The following ADAMTS17 variants were observed in gnomAD, a reference collection of about 807,000 sequenced individuals.
The protein encoded by ADAMTS17 is ADAM metallopeptidase with thrombospondin type 1 motif 17.
Under a neutral mutation model 141.5 loss-of-function variants are expected in ADAMTS17, and 113 were observed. The observed-to-expected ratio is 0.80, with a 90% CI of 0.69 to 0.93. ADAMTS17 has a LOEUF of 0.93. Ranked by LOEUF, ADAMTS17 falls within the 40% of genes least tolerant of loss-of-function variation. ADAMTS17 has a pLI of 0.00. For synonymous variants in ADAMTS17, 768 were observed against 630.6 expected (o/e 1.22, Z -3.27); for missense variants, 1,659 against 1,517.9 (o/e 1.09, Z -1.54).
At chr15:100,262,617 T>C (rs1439298484) in intron 4 of ADAMTS17, among the ~76,000 whole-genome samples, 182 bp from the exon 5 acceptor site, 1 of 152,110 alleles carries the variant, frequency 6.6e-6, no homozygotes, top group Non-Finnish European at 1.5e-5. Context: ...ACAAGAAACA[T>C]GCCATTCTAA....
intron 20 of ADAMTS17, among the ~76,000 whole-genome samples, chr15:99,981,760 GT>G (rs1457642056): frequency 6.6e-6 from 1 of 152,224 alleles, no homozygotes; most frequent in Non-Finnish European, 1.5e-5. Flanking sequence ...CTTTTAGTGT[GT>G]TCTATAGTAA....
At chr15:100,252,558 C>T (rs1029251776) in intron 7 of ADAMTS17, among the ~76,000 whole-genome samples, 10 of 152,182 alleles carry the variant, frequency 6.6e-5, no homozygotes, top group Non-Finnish European at 1.2e-4. Context: ...CCGTGAACCC[C>T]AGGAAAGAGC....
chr15:100,010,836 A>G (rs1327003074), intron 18 of ADAMTS17, among the ~76,000 whole-genome samples: 1 of 152,218 alleles, frequency 6.6e-6, no homozygotes, highest in Non-Finnish European at 1.5e-5. Flanking sequence ...CTTTACAGGC[A>G]CACGTGAGGC....
intron 3 of ADAMTS17, among the ~76,000 whole-genome samples, chr15:100,302,784 A>C (rs11247181): frequency 6.6e-6 from 1 of 152,002 alleles, no homozygotes; most frequent in East Asian, 1.9e-4. Context: ...CTGTGAGAGT[A>C]TTGCCACAGG....
chr15:100,047,076 G>A (rs2031752279), intron 18 of ADAMTS17, among the ~76,000 whole-genome samples: 1 of 151,890 alleles, frequency 6.6e-6, no homozygotes, highest in Non-Finnish European at 1.5e-5. Context: ...CCTCTAAAAT[G>A]GCCCCCCTGG....
At chr15:100,212,559 A>G (rs1266918172) in intron 7 of ADAMTS17, among the ~76,000 whole-genome samples, 1 of 152,180 alleles carries the variant, frequency 6.6e-6, no homozygotes, top group Non-Finnish European at 1.5e-5. Context: ...AAAAACACTA[A>G]ACACAGGAAT....
chr15:100,262,405 C>T lies in ADAMTS17; in HGVS notation c.820G>A (p.Gly274Arg). The T allele has an allele frequency of 1.2e-6, 2 of 1,613,786 alleles. No individual in the cohort carries two copies. Among genetic ancestry groups the T allele is most frequent in the Non-Finnish European group, 1.7e-6 (2 of 1,179,902 alleles). ...VYNMFQHQSL[G>R]IKINIQVTKL... Reference sequence around the variant, plus strand: ...GTCACTTGAATGTTAATTTTAATCCCCAGGCTCTGGTGCTGAAACATATTG... The same window carrying T: ...GTCACTTGAATGTTAATTTTAATCCTCAGGCTCTGGTGCTGAAACATATTG... The change falls in exon 5 of 22, where the codon GGG (glycine) becomes AGG (arginine). Residue 274 changes from glycine (G) to arginine (R), a missense_variant. Coordinates refer to ENST00000268070, the MANE Select transcript of ADAMTS17 (RefSeq NM_139057.4).
intron 8 of ADAMTS17, among the ~76,000 whole-genome samples, chr15:100,186,378 A>C (rs1487033717): frequency 6.6e-6 from 1 of 152,160 alleles, no homozygotes; most frequent in East Asian, 1.9e-4. Flanking sequence ...TGCAAATACT[A>C]CTACTATTAT....
At chr15:100,308,417 G>T (rs2045296116) in intron 3 of ADAMTS17, among the ~76,000 whole-genome samples, 1 of 152,170 alleles carries the variant, frequency 6.6e-6, no homozygotes, top group African/African-American at 2.4e-5. Context: ...TCGTTCACTC[G>T]CTGGTAGAAT....
At chr15:100,240,301 T>C (rs576844386) in intron 7 of ADAMTS17, among the ~76,000 whole-genome samples, 7 of 152,348 alleles carry the variant, frequency 4.6e-5, no homozygotes, top group African/African-American at 1.7e-4. Flanking sequence ...ATCTCTCTGC[T>C]GCTTCTTCCT....
intron 3 of ADAMTS17, among the ~76,000 whole-genome samples, chr15:100,289,368 C>G (rs575156675): frequency 1.1e-4 from 17 of 152,182 alleles, no homozygotes; most frequent in Middle Eastern, 3.4e-3. Flanking sequence ...AGAAAAAGCC[C>G]AGGACCAGAC....
intron 18 of ADAMTS17, among the ~76,000 whole-genome samples, chr15:100,029,111 C>T (rs565452372): frequency 6.6e-6 from 1 of 152,282 alleles, no homozygotes; most frequent in East Asian, 1.9e-4. Context: ...CCTGAGCCAC[C>T]AGGGTGAACC....
chr15:100,198,291 T>TA (rs2041196419), intron 8 of ADAMTS17, among the ~76,000 whole-genome samples: 1 of 152,048 alleles, frequency 6.6e-6, no homozygotes, highest in South Asian at 2.1e-4. Flanking sequence ...GCATCACTCA[T>TA]AAAAAAACAA....
rs1315811758 is a variant in ADAMTS17 at position 100,296,595 on chromosome 15, G to GTGTGTGTGTGTGTGTA, written c.617-15195_617-15194insTACACACACACACACA. Among the ~76,000 whole-genome samples the GTGTGTGTGTGTGTGTA allele has an allele frequency of 5.3e-5, 8 of 152,054 alleles. No homozygotes were observed. The East Asian group carries it at 1.2e-3, about 22-fold the overall frequency. Reference sequence around the variant, plus strand: ...GGTGAGGGGGGGTGTGTGTGTGTGTGTGTGTGTGTATGTGTGTGTGTGCGC... The same window carrying GTGTGTGTGTGTGTGTA: ...GGTGAGGGGGGGTGTGTGTGTGTGTGTGTGTGTGTGTGTGTATGTGTGTGTATGTGTGTGTGTGCGC... On this transcript the variant is annotated intron_variant, in intron 3 of 21. Transcript: ENST00000268070.
chr15:100,113,021 G>A (rs986010405), intron 13 of ADAMTS17, among the ~76,000 whole-genome samples: 1 of 152,162 alleles, frequency 6.6e-6, no homozygotes, highest in Non-Finnish European at 1.5e-5. Context: ...ACTCATCCAA[G>A]TTCTCCCTGG....
rs550968716 is a variant in ADAMTS17, at chr15:100,017,147, G to A, written c.2592-19558C>T. On this transcript the variant is annotated intron_variant, in intron 18 of 21. Transcript: ENST00000268070. ...TCATGCAGGTTGTCAGGGAAGTGGGGGAAAGCCGGCAGTCACAGGCCTCAC... is the reference window on the plus strand; with the variant it reads ...TCATGCAGGTTGTCAGGGAAGTGGGAGAAAGCCGGCAGTCACAGGCCTCAC... 5.0e-3 allele frequency among the ~76,000 whole-genome samples: 767 copies of A among 152,226 alleles called. 5 individuals carry two copies. Among genetic ancestry groups the A allele is most frequent in the African/African-American group, 0.017 (707 of 41,514 alleles).
At chr15:99,976,385 A>G in intron 20 of ADAMTS17, 163 bp from the exon 21 acceptor site, 1 of 933,272 alleles carries the variant, frequency 1.1e-6, no homozygotes, top group Non-Finnish European at 1.7e-6. Flanking sequence ...CGGAGACAGG[A>G]CAGCCTGAGT....
chr15:100,095,096 G>A (rs1025973512), intron 15 of ADAMTS17, among the ~76,000 whole-genome samples: 1 of 152,178 alleles, frequency 6.6e-6, no homozygotes, highest in African/African-American at 2.4e-5. Flanking sequence ...GGGGCCAGTG[G>A]CTGCTGAACT....
At chr15:99,980,680 C>G (rs989370901) in intron 20 of ADAMTS17, 1 of 152,246 alleles carries the variant, frequency 6.6e-6, no homozygotes, top group East Asian at 1.9e-4. Flanking sequence ...GGAAGGGCTT[C>G]CGTTTCTTCT....
Sources: gnomAD v4.1 joint callset for allele counts (sites outside exome capture counted in the v4.1 genomes callset) on GRCh38, gnomAD v4.1.1 for gene constraint, MANE v1.5 for transcripts, NCBI Gene and HGNC (gene_info 2026-07-23, HGNC 2026-07-21) for gene names.